Variants in MCUB observed in about 807,000 individuals in gnomAD.
MCUB encodes mitochondrial calcium uniporter dominant negative subunit beta, also known as calcium uniporter regulatory subunit MCUb, mitochondrial.
A neutral mutation model predicts 41.4 loss-of-function variants in MCUB; 46 were observed. That is an observed-to-expected ratio of 1.11 (90% CI 0.88 to 1.42). MCUB has a LOEUF of 1.42. MCUB is among the 40% of genes most tolerant of loss of function. The pLI, the probability that MCUB is intolerant of heterozygous loss-of-function variation, is 0.00. For missense variants in MCUB, 403 were observed against 404.9 expected, an observed-to-expected ratio of 1.00 and a Z score of 0.04; for synonymous variants, 148 against 148.2, an observed-to-expected ratio of 1.00 and a Z score of 0.01.
At chr4:109,596,722 CTTCT>C (rs1223591362) in intron 1 of MCUB, among the ~76,000 whole-genome samples, 8 of 109,134 alleles carry the variant, frequency 7.3e-5, no homozygotes, top group South Asian at 7.7e-4. Flanking sequence ...TCTTCTTAAA[CTTCT>C]TTTTTTTTTT....
rs923852613 is a variant in MCUB, at chr4:109,619,054, A to G, written c.100-39957A>G. ...TGCCTACCTACCTACCTACCTACCT[A>G]CCTACCTACCTACCTACCTACCTAT... On this transcript the variant is annotated intron_variant, in intron 1 of 7. Transcript: ENST00000394650. Among the ~76,000 whole-genome samples, 130 of 148,556 alleles carry G rather than the reference A, an allele frequency of 8.8e-4. 1 individual carries two copies. Among genetic ancestry groups the G allele is most frequent in the African/African-American group, 3.2e-3 (128 of 40,148 alleles).
At chr4:109,658,683 T>G (rs1031655047) in intron 1 of MCUB, among the ~76,000 whole-genome samples, 1 of 152,202 alleles carries the variant, frequency 6.6e-6, no homozygotes, top group African/African-American at 2.4e-5. Flanking sequence ...GATATACTTA[T>G]GTCCATTTGT....
At chr4:109,587,091 G>A (rs1727326206) in intron 1 of MCUB, among the ~76,000 whole-genome samples, 1 of 152,254 alleles carries the variant, frequency 6.6e-6, no homozygotes, top group Non-Finnish European at 1.5e-5. Context: ...AGCAGGCCTT[G>A]CTGAGCTGCG....
intron 4 of MCUB, among the ~76,000 whole-genome samples, chr4:109,679,816 T>TG (rs1729675830): frequency 2.0e-5 from 3 of 152,102 alleles, no homozygotes; most frequent in African/African-American, 7.2e-5. Context: ...TTGTTGTTGT[T>TG]TTTGAGACAG....
At chr4:109,664,111 G>T (rs952174784) in intron 3 of MCUB, among the ~76,000 whole-genome samples, 179 bp from the exon 4 acceptor site, 1 of 152,234 alleles carries the variant, frequency 6.6e-6, no homozygotes, top group Admixed American at 6.5e-5. Flanking sequence ...GGGAGGTAGA[G>T]CAATAGAGGA....
At position 109,656,459 on chromosome 4, in the gene MCUB, C is replaced by T. The variant is rs577839873; in HGVS notation, c.100-2552C>T. On this transcript the variant is annotated intron_variant, in intron 1 of 7. Transcript: ENST00000394650. ...AGCTACAATCTCGGTTCACTGCAGC[C>T]GCCTCCTCCTGGGCTCAAGCAATCC... is the stretch of plus-strand genomic sequence containing the variant. 3.2e-4 allele frequency among the ~76,000 whole-genome samples: 46 copies of T among 145,524 alleles called. 1 individual carries two copies. Among genetic ancestry groups the T allele is most frequent in the South Asian group, 6.7e-4 (3 of 4,474 alleles).
intron 1 of MCUB, among the ~76,000 whole-genome samples, chr4:109,634,964 C>G (rs536133348): frequency 6.6e-6 from 1 of 152,206 alleles, no homozygotes; most frequent in South Asian, 2.1e-4. Context: ...CCCCCAACCC[C>G]CTGATAGGCC....
At chr4:109,594,237 G>A (rs995580313) in intron 1 of MCUB, among the ~76,000 whole-genome samples, 2 of 152,200 alleles carry the variant, frequency 1.3e-5, no homozygotes, top group Non-Finnish European at 2.9e-5. Context: ...GTAAATATCT[G>A]TCTAAAAAAT....
Position 109,671,595 on chromosome 4 carries a change from C to G in MCUB, c.451+7201C>G, listed in dbSNP as rs1308652244. On this transcript the variant is annotated intron_variant, in intron 4 of 7. Coordinates refer to ENST00000394650, the MANE Select transcript of MCUB (RefSeq NM_017918.5). ...CTTTTGGTTCTTTCTAAGTTTCTAT[C>G]TCTCCATTTACATTACTCATCTGTT... is the stretch of plus-strand genomic sequence containing the variant. Among the ~76,000 whole-genome samples, 8 of 151,950 alleles carry G rather than the reference C, an allele frequency of 5.3e-5. No individual in the cohort carries two copies. The East Asian group carries it at 1.6e-3, about 29-fold the overall frequency.
chr4:109,623,463 C>G (rs2126136138), intron 1 of MCUB, among the ~76,000 whole-genome samples: 1 of 152,312 alleles, frequency 6.6e-6, no homozygotes, highest in Non-Finnish European at 1.5e-5. Context: ...AGCAGAGAGT[C>G]AGCAAGCGCT....
intron 4 of MCUB, among the ~76,000 whole-genome samples, chr4:109,666,464 G>A (rs375426911): frequency 3.3e-5 from 5 of 152,258 alleles, no homozygotes; most frequent in African/African-American, 1.2e-4. Context: ...AGCAATTGGT[G>A]GTATTAGTGA....
chr4:109,567,347 GT>G (rs1439364929), intron 1 of MCUB, among the ~76,000 whole-genome samples: 1 of 151,940 alleles, frequency 6.6e-6, no homozygotes, highest in African/African-American at 2.4e-5. Context: ...AGTCCTTCTT[GT>G]TTTTTCTGAC....
intron 1 of MCUB, among the ~76,000 whole-genome samples, chr4:109,571,063 G>A (rs1726903456): frequency 6.6e-6 from 1 of 152,166 alleles, no homozygotes; most frequent in Non-Finnish European, 1.5e-5. Flanking sequence ...AAAGGAAAAG[G>A]CTTGGCTAAG....
intron 3 of MCUB, among the ~76,000 whole-genome samples, chr4:109,663,059 A>T (rs146968722): frequency 6.6e-6 from 1 of 152,200 alleles, no homozygotes; most frequent in African/African-American, 2.4e-5. Flanking sequence ...AACTATAGGG[A>T]GGCAGACAAG....
intron 1 of MCUB, among the ~76,000 whole-genome samples, chr4:109,639,243 A>T (rs1728664870): frequency 6.6e-6 from 1 of 152,228 alleles, no homozygotes; most frequent in African/African-American, 2.4e-5. Flanking sequence ...CATGGGCTTC[A>T]AAATGGATGT....
intron 1 of MCUB, among the ~76,000 whole-genome samples, chr4:109,566,469 C>CAAAA (rs60385848): frequency 1.5e-5 from 2 of 132,380 alleles, no homozygotes; most frequent in African/African-American, 2.7e-5. Flanking sequence ...GACTCTGTCT[C>CAAAA]AAAAAAAAAA....
chr4:109,624,407 T>C (rs1334320778), intron 1 of MCUB, among the ~76,000 whole-genome samples: 1 of 152,178 alleles, frequency 6.6e-6, no homozygotes, highest in Admixed American at 6.5e-5. Context: ...AGAATATCAC[T>C]GGAGCATGGA....
At chr4:109,671,358 TAA>T (rs1213931721) in intron 4 of MCUB, among the ~76,000 whole-genome samples, 12 of 152,352 alleles carry the variant, frequency 7.9e-5, no homozygotes, top group African/African-American at 1.2e-4. Context: ...CCATTATGCC[TAA>T]GTTACACTTG....
At chr4:109,606,710 A>G (rs1205423010) in intron 1 of MCUB, among the ~76,000 whole-genome samples, 1 of 152,022 alleles carries the variant, frequency 6.6e-6, no homozygotes, top group Non-Finnish European at 1.5e-5. Context: ...GTTTCTATTT[A>G]TATCTTATTT....
Sources: gnomAD v4.1 joint callset for allele counts (sites outside exome capture counted in the v4.1 genomes callset) on GRCh38, gnomAD v4.1.1 for gene constraint, MANE v1.5 for transcripts, NCBI Gene and HGNC (gene_info 2026-07-23, HGNC 2026-07-21) for gene names.